C1QTNF7: variants seen among roughly 807,000 people sequenced by gnomAD.
The protein encoded by C1QTNF7 is complement C1q tumor necrosis factor-related protein 7.
C1QTNF7 carries 15 observed loss-of-function variants against 19.6 expected under a neutral mutation model. That is an observed-to-expected ratio of 0.76 (90% CI 0.51 to 1.18). The LOEUF (loss-of-function observed/expected upper bound fraction) is 1.18. Ranked by LOEUF, C1QTNF7 falls within the 50% of genes most tolerant of loss-of-function variation. The probability of loss-of-function intolerance (pLI) is 0.00; values close to 1 mark genes in which losing one functional copy is unlikely to be tolerated. For synonymous variants in C1QTNF7, 142 were observed against 137.5 expected, an observed-to-expected ratio of 1.03 and a Z score of -0.23; for missense variants, 324 against 359.7, an observed-to-expected ratio of 0.90 and a Z score of 0.80.
chr4:15,405,989 C>T (rs1719182778), intron 1 of C1QTNF7, among the ~76,000 whole-genome samples: 1 of 152,170 alleles, frequency 6.6e-6, no homozygotes. Flanking sequence ...TCATTTAGAT[C>T]TCTACTCAAA....
chr4:15,441,098 C>T (rs761174023), intron 2 of C1QTNF7, among the ~76,000 whole-genome samples: 58 of 152,062 alleles, frequency 3.8e-4, no homozygotes, highest in Non-Finnish European at 6.9e-4. Flanking sequence ...GCCAAGATCG[C>T]GCCATGACAC....
rs114225703 is a variant in C1QTNF7 at position 15,382,847 on chromosome 4, C to T, written c.13+42640C>T. 6.9e-3 allele frequency among the ~76,000 whole-genome samples: 1,055 copies of T among 152,258 alleles called. 18 individuals carry two copies. The highest frequency in any genetic ancestry group is 0.024 in the African/African-American group (997 of 41,536). ...TGGATCCTACTTGATTCCAGCTGTT[C>T]GGACTAAGTATCCAGCTCTCGGCAG... On this transcript the variant is annotated intron_variant, in intron 1 of 2. Transcript: ENST00000295297.
chr4:15,396,849 G>C (rs1171483835), intron 1 of C1QTNF7, among the ~76,000 whole-genome samples: 1 of 152,132 alleles, frequency 6.6e-6, no homozygotes, highest in Non-Finnish European at 1.5e-5. Flanking sequence ...TCCAGAGAAA[G>C]GGACACAGGC....
chr4:15,350,643 G>T (rs1162375226), intron 1 of C1QTNF7, among the ~76,000 whole-genome samples: 1 of 152,104 alleles, frequency 6.6e-6, no homozygotes, highest in African/African-American at 2.4e-5. Flanking sequence ...CTTTTCCTTA[G>T]TTGGTTAATG....
chr4:15,354,526 T>G (rs181683602), intron 1 of C1QTNF7, among the ~76,000 whole-genome samples: 1 of 152,014 alleles, frequency 6.6e-6, no homozygotes, highest in Non-Finnish European at 1.5e-5. Context: ...TGCGTGTCAT[T>G]TGAGCTCAGC....
chr4:15,419,582 G>T (rs1025604265), intron 1 of C1QTNF7, among the ~76,000 whole-genome samples: 3 of 152,144 alleles, frequency 2.0e-5, no homozygotes, highest in Admixed American at 6.5e-5. Flanking sequence ...GGTAACAGTG[G>T]TATAGTTCTG....
intron 2 of C1QTNF7, among the ~76,000 whole-genome samples, chr4:15,439,017 A>C (rs555399708): frequency 6.0e-4 from 92 of 152,326 alleles, no homozygotes; most frequent in African/African-American, 2.2e-3. Context: ...GAACCATTTC[A>C]TGGAGAACTA....
chr4:15,437,749 CTAA>C (rs77808110), intron 2 of C1QTNF7, among the ~76,000 whole-genome samples: 15,628 of 152,166 alleles, frequency 0.1, 975 homozygotes, highest in East Asian at 0.3. Flanking sequence ...AACCTCTGCA[CTAA>C]TGAGAATTTG....
intron 1 of C1QTNF7, among the ~76,000 whole-genome samples, chr4:15,430,597 C>T (rs985316380): frequency 6.6e-6 from 1 of 152,146 alleles, no homozygotes; most frequent in African/African-American, 2.4e-5. Flanking sequence ...TTAAGTTGTA[C>T]ACTTTGGTAA....
rs140644386 is a variant in C1QTNF7, at chr4:15,373,301, T to G, written c.13+33094T>G. 3.6e-3 allele frequency among the ~76,000 whole-genome samples: 553 copies of G among 152,320 alleles called. 3 individuals are homozygous for G. The highest frequency in any genetic ancestry group is 0.013 in the African/African-American group (520 of 41,568). On this transcript the variant is annotated intron_variant, in intron 1 of 2. Transcript: ENST00000295297. ...GGCTTAGCTATCTCCTTCCAGCCCTTGTACAAGGTCATGAATCCCATTCAC... is the reference window on the plus strand; with the variant it reads ...GGCTTAGCTATCTCCTTCCAGCCCTGGTACAAGGTCATGAATCCCATTCAC...
At chr4:15,387,218 G>A (rs1484541742) in intron 1 of C1QTNF7, among the ~76,000 whole-genome samples, 2 of 152,192 alleles carry the variant, frequency 1.3e-5, no homozygotes, top group Non-Finnish European at 2.9e-5. Context: ...TTGAGACGAG[G>A]AAGTGTGTGG....
At chr4:15,437,264 A>T (rs1712575163) in intron 2 of C1QTNF7, among the ~76,000 whole-genome samples, 1 of 151,998 alleles carries the variant, frequency 6.6e-6, no homozygotes, top group Admixed American at 6.6e-5. Flanking sequence ...CTCAAATCTT[A>T]GCTCTTTCAG....
intron 1 of C1QTNF7, among the ~76,000 whole-genome samples, chr4:15,408,715 G>A (rs1719295139): frequency 6.6e-6 from 1 of 152,060 alleles, no homozygotes; most frequent in Non-Finnish European, 1.5e-5. Context: ...ACCTGAACTG[G>A]TCCAATCAGA....
At chr4:15,369,414 A>G (rs1011165357) in intron 1 of C1QTNF7, among the ~76,000 whole-genome samples, 1 of 152,192 alleles carries the variant, frequency 6.6e-6, no homozygotes, top group African/African-American at 2.4e-5. Flanking sequence ...TCTGTTAAAC[A>G]TATATTATTT....
chr4:15,426,810 A>G (rs1385773655), upstream of C1QTNF7, among the ~76,000 whole-genome samples: 1 of 152,234 alleles, frequency 6.6e-6, no homozygotes, highest in Non-Finnish European at 1.5e-5. Context: ...AAAAGGCTGT[A>G]TCACCTGAAA....
intron 1 of C1QTNF7, among the ~76,000 whole-genome samples, chr4:15,355,320 CCCT>C (rs142357304): frequency 2.3e-4 from 35 of 152,208 alleles, no homozygotes; most frequent in Non-Finnish European, 3.8e-4. Flanking sequence ...AGCTACTGCC[CCCT>C]CATCTGCTGC....
chr4:15,404,732 A>G (rs1719131370), intron 1 of C1QTNF7, among the ~76,000 whole-genome samples: 1 of 152,142 alleles, frequency 6.6e-6, no homozygotes, highest in Non-Finnish European at 1.5e-5. Context: ...CTTAATGGGG[A>G]CCAAGGGCAT....
At chr4:15,394,272 T>C (rs1718695020) in intron 1 of C1QTNF7, among the ~76,000 whole-genome samples, 2 of 152,232 alleles carry the variant, frequency 1.3e-5, no homozygotes, top group South Asian at 4.1e-4. Flanking sequence ...GGGCAGATTG[T>C]ATAGGCTTTG....
In C1QTNF7 at chr4:15,419,136, G is replaced by T. The variant is rs544776685; in HGVS notation, c.14-16600G>T. The stretch of plus-strand genomic sequence containing the variant: ...GATTTTGTTTTTATACAGGGACAAG[G>T]CAGTGTAAATTCACACAACCTTTTG... On this transcript the variant is annotated intron_variant, in intron 1 of 2. Transcript: ENST00000295297. Among the ~76,000 whole-genome samples, 150 of 152,310 alleles carry T rather than the reference G, an allele frequency of 9.8e-4. 1 individual carries two copies. Among genetic ancestry groups the T allele is most frequent in the African/African-American group, 3.4e-3 (143 of 41,558 alleles).
Sources: gnomAD v4.1 joint callset for allele counts (sites outside exome capture counted in the v4.1 genomes callset) on GRCh38, gnomAD v4.1.1 for gene constraint, MANE v1.5 for transcripts, NCBI Gene and HGNC (gene_info 2026-07-23, HGNC 2026-07-21) for gene names.